Variants in RAD51AP1 observed in about 807,000 individuals in gnomAD.
The protein encoded by RAD51AP1 is RAD51 associated protein 1, also known as RAD51-associated protein 1.
RAD51AP1 carries 14 observed loss-of-function variants against 34.3 expected under a neutral mutation model. The observed-to-expected ratio is 0.41, with a 90% CI of 0.27 to 0.64. The LOEUF (loss-of-function observed/expected upper bound fraction) is 0.64. Ranked by LOEUF, RAD51AP1 falls within the 30% of genes least tolerant of loss-of-function variation. RAD51AP1 has a pLI of 0.33. For missense variants in RAD51AP1, 348 were observed against 386.9 expected (o/e 0.90, Z 0.84); for synonymous variants, 114 against 129.8 (o/e 0.88, Z 0.83).
In RAD51AP1 at chr12:4,559,143, T is replaced by C; in HGVS notation, c.*150T>C. On this transcript the variant is annotated 3_prime_UTR_variant, in exon 9 of 9. Coordinates refer to ENST00000352618, the MANE Select transcript of RAD51AP1 (RefSeq NM_006479.5). ...ATGACCTCTAGCCATTTTATGATTA[T>C]GTTCTCTGTAAAACTCTTCAAGACT... 1.1e-6 allele frequency: 1 copy of C among 935,026 alleles called. No homozygotes were observed. The highest frequency in any genetic ancestry group is 1.6e-6 in the Non-Finnish European group (1 of 638,332). 57.9% of individuals were successfully genotyped at this position (935,026 alleles called of 1,614,324 possible).
At chr12:4,539,654 G>T (rs1411740333) in intron 1 of RAD51AP1, among the ~76,000 whole-genome samples, 1 of 152,146 alleles carries the variant, frequency 6.6e-6, no homozygotes, top group African/African-American at 2.4e-5. Context: ...ACTCTGAGGC[G>T]ATAATGCATG....
Position 4,548,779 on chromosome 12 carries a change from C to A in RAD51AP1, c.499C>A (p.Leu167Ile), listed in dbSNP as rs1944525295. 18 of 1,614,136 alleles carry A rather than the reference C, an allele frequency of 1.1e-5. No homozygotes were observed. Among genetic ancestry groups the A allele is most frequent in the Non-Finnish European group, 1.4e-5 (17 of 1,179,988 alleles). ...AGCTGCAGCACAGCAGAGGAAGATT[C>A]TTCTGGAAGGCAGTGATGGTGATAG... is the stretch of plus-strand genomic sequence containing the variant. ...SKAAAQQRKILLEGSDGDSAN... is the reference protein window; with the variant it reads ...SKAAAQQRKIILEGSDGDSAN... Residue 167 changes from leucine to isoleucine, a missense_variant, in exon 6 of 9, where the codon CTT becomes ATT. Coordinates refer to ENST00000352618, the MANE Select transcript of RAD51AP1 (RefSeq NM_006479.5).
chr12:4,553,231 CT>C (rs1944559115), intron 7 of RAD51AP1, 84 bp downstream of exon 7: 2 of 1,190,876 alleles, frequency 1.7e-6, no homozygotes, highest in African/African-American at 1.6e-5. Flanking sequence ...TGCCTTTGTT[CT>C]CTTTAACATT....
chr12:4,548,575 G>T, intron 5 of RAD51AP1, 112 bp from the exon 6 acceptor site: 1 of 1,260,736 alleles, frequency 7.9e-7, no homozygotes, highest in East Asian at 2.4e-5. Flanking sequence ...AAGCATGGGA[G>T]GGATGAACCT....
In RAD51AP1 at chr12:4,560,015, T is replaced by C. The variant is rs1944609932; in HGVS notation, c.*1022T>C. 1 of 152,240 alleles carries C rather than the reference T, an allele frequency of 6.6e-6. No homozygotes were observed. Among genetic ancestry groups the C allele is most frequent in the Non-Finnish European group, 1.5e-5 (1 of 68,038 alleles). The allele number at this position is 152,240 out of a possible 1,614,324, so 9.4% of individuals were successfully genotyped here. On this transcript the variant is annotated 3_prime_UTR_variant, in exon 9 of 9. Coordinates refer to ENST00000352618, the MANE Select transcript of RAD51AP1 (RefSeq NM_006479.5). ...TCTATATTAATGTGAAAATAATTAA[T>C]TTAGAATTGTGATTAAAGTGAGCAT... is the stretch of plus-strand genomic sequence containing the variant.
At chr12:4,549,779 C>G (rs1439695071) in intron 6 of RAD51AP1, among the ~76,000 whole-genome samples, 1 of 152,114 alleles carries the variant, frequency 6.6e-6, no homozygotes, top group Admixed American at 6.6e-5. Flanking sequence ...AAATCTGAAC[C>G]CTGAAACATG....
At chr12:4,545,833 G>A in intron 3 of RAD51AP1, 1 of 1,611,492 alleles carries the variant, frequency 6.2e-7, no homozygotes, top group Non-Finnish European at 8.5e-7. Context: ...CTTGTACAAA[G>A]TAAGTGCTTG....
chr12:4,544,045 G>A (rs1044672042), intron 3 of RAD51AP1, 141 bp downstream of exon 3: 19 of 589,036 alleles, frequency 3.2e-5, no homozygotes, highest in Admixed American at 3.9e-5. Context: ...AAAACAGGAC[G>A]TACTATTTTT....
At position 4,541,854 on chromosome 12, in the gene RAD51AP1, G is replaced by A. The variant is rs752084992; in HGVS notation, c.18-30G>A. The A allele has an allele frequency of 6.8e-6, 9 of 1,320,190 alleles. No individual in the cohort carries two copies. In the Admixed American group the frequency reaches 2.0e-4, roughly 30 times the overall value. The allele number at this position is 1,320,190 out of a possible 1,614,324, so 81.8% of individuals were successfully genotyped here. The stretch of plus-strand genomic sequence containing the variant: ...ATAGTGGTGAGAAATTGACATTTGT[G>A]TTAATGAAAAAATTCTGTTTTGGTC... On this transcript the variant is annotated intron_variant, in intron 1 of 8. Transcript: ENST00000352618.
At chr12:4,553,821 G>A (rs1177631053) in intron 7 of RAD51AP1, among the ~76,000 whole-genome samples, 2 of 151,882 alleles carry the variant, frequency 1.3e-5, no homozygotes, top group African/African-American at 4.8e-5. Context: ...AACTGAGTTT[G>A]TTTTATTTCT....
intron 1 of RAD51AP1, among the ~76,000 whole-genome samples, chr12:4,540,588 A>G (rs1187343030): frequency 1.3e-5 from 2 of 152,068 alleles, no homozygotes; most frequent in Non-Finnish European, 2.9e-5. Flanking sequence ...AGTTAAGAAT[A>G]TGCTTGATGA....
chr12:4,539,970 C>T (rs767782026), intron 1 of RAD51AP1, among the ~76,000 whole-genome samples: 3 of 151,968 alleles, frequency 2.0e-5, no homozygotes, highest in African/African-American at 7.3e-5. Flanking sequence ...GTGACCAGAA[C>T]GGGAGCAGGA....
chr12:4,556,333 A>G lies in RAD51AP1; in HGVS notation c.722-20A>G. On this transcript the variant is annotated intron_variant, in intron 7 of 8. Transcript: ENST00000352618. ...TTCTTCCTGCATGACAAACATTTTT[A>G]CGTATATTTTTCAAATAAGTGACTT... The G allele has an allele frequency of 6.3e-7, 1 of 1,581,488 alleles. No individual in the cohort carries two copies. Among genetic ancestry groups the G allele is most frequent in the African/African-American group, 1.4e-5 (1 of 73,808 alleles).
chr12:4,548,777 T>A lies in RAD51AP1; in HGVS notation c.497T>A (p.Ile166Asn), dbSNP rs1222338746. The change falls in exon 6 of 9, where the codon ATT becomes AAT. Residue 166 changes from isoleucine (I) to asparagine (N), a missense_variant. Coordinates refer to ENST00000352618, the MANE Select transcript of RAD51AP1 (RefSeq NM_006479.5). ...AAAGCTGCAGCACAGCAGAGGAAGATTCTTCTGGAAGGCAGTGATGGTGAT... is the reference window on the plus strand; with the variant it reads ...AAAGCTGCAGCACAGCAGAGGAAGAATCTTCTGGAAGGCAGTGATGGTGAT... ...ASKAAAQQRKILLEGSDGDSA... is the reference protein window; with the variant it reads ...ASKAAAQQRKNLLEGSDGDSA... The A allele has an allele frequency of 6.2e-7, 1 of 1,614,136 alleles. No homozygotes were observed.
chr12:4,544,094 A>G (rs1230449331), intron 3 of RAD51AP1, among the ~76,000 whole-genome samples, 190 bp downstream of exon 3: 1 of 152,204 alleles, frequency 6.6e-6, no homozygotes, highest in African/African-American at 2.4e-5. Context: ...CAAACATTCA[A>G]GGAAGTATCA....
intron 3 of RAD51AP1, chr12:4,545,762 C>T (rs1308018727): frequency 6.2e-7 from 1 of 1,608,250 alleles, no homozygotes; most frequent in East Asian, 2.2e-5. Flanking sequence ...TGTTTCCCCA[C>T]CCTCCTCCTT....
intron 1 of RAD51AP1, among the ~76,000 whole-genome samples, chr12:4,540,178 T>C (rs1471932946): frequency 6.6e-6 from 1 of 152,132 alleles, no homozygotes; most frequent in Non-Finnish European, 1.5e-5. Flanking sequence ...GGATGGATGA[T>C]CTTTGTATTA....
chr12:4,540,930 G>T (rs998486993), intron 1 of RAD51AP1, among the ~76,000 whole-genome samples: 1 of 152,106 alleles, frequency 6.6e-6, no homozygotes, highest in Admixed American at 6.5e-5. Flanking sequence ...TTACTTGAAA[G>T]AACAACCAGC....
At chr12:4,541,309 T>A (rs1944464921) in intron 1 of RAD51AP1, among the ~76,000 whole-genome samples, 1 of 152,190 alleles carries the variant, frequency 6.6e-6, no homozygotes, top group South Asian at 2.1e-4. Flanking sequence ...GGGATACTCA[T>A]CTCAGGTGGT....
Sources: gnomAD v4.1 joint callset for allele counts (sites outside exome capture counted in the v4.1 genomes callset) on GRCh38, gnomAD v4.1.1 for gene constraint, MANE v1.5 for transcripts, NCBI Gene and HGNC (gene_info 2026-07-23, HGNC 2026-07-21) for gene names.